Variants in SLC12A8 observed in about 807,000 individuals in gnomAD.
SLC12A8 encodes the protein cation-chloride cotransporter 9.
Under a neutral mutation model 75.6 loss-of-function variants are expected in SLC12A8, and 69 were observed. The ratio of observed to expected loss-of-function variants is 0.91; its 90% CI spans 0.75 to 1.11. SLC12A8 has a LOEUF of 1.11. SLC12A8 is among the 50% of genes most tolerant of loss of function. The pLI, the probability that SLC12A8 is intolerant of heterozygous loss-of-function variation, is 0.00. For synonymous variants in SLC12A8, 365 were observed against 372.8 expected (o/e 0.98, Z 0.24); for missense variants, 877 against 896.7 (o/e 0.98, Z 0.28).
intron 5 of SLC12A8, among the ~76,000 whole-genome samples, chr3:125,166,316 A>T (rs658717): frequency 2.0e-5 from 3 of 152,020 alleles, no homozygotes; most frequent in Non-Finnish European, 4.4e-5. Context: ...CCCATACCCC[A>T]CCCCCATCTC....
rs540096323 is a variant in SLC12A8 at position 125,086,927 on chromosome 3, G to T, written c.1982+1383C>A. On this transcript the variant is annotated intron_variant, in intron 13 of 13. Coordinates refer to ENST00000469902, the MANE Select transcript of SLC12A8 (RefSeq NM_024628.6). ...TTTCTTGTGCCATCTTGAATAGATT[G>T]GCAATTATTTGTGAAGAGTTGTCTT... Among the ~76,000 whole-genome samples, 4 of 152,258 alleles carry T rather than the reference G, an allele frequency of 2.6e-5. No homozygotes were observed. The East Asian group carries it at 7.7e-4, about 29-fold the overall frequency.
rs1327089758 is a variant in SLC12A8, at chr3:125,107,855, T to C, written c.1331A>G (p.Glu444Gly). The C allele has an allele frequency of 1.9e-6, 3 of 1,614,162 alleles. No homozygotes were observed. In the South Asian group the frequency reaches 3.3e-5, roughly 18 times the overall value. The part of the protein sequence containing the change: ...LLEKAPSYGS[E>G]GPAQRVLEGT... ...CTCCAAGACTCTTTGGGCAGGTCCC[T>C]CAGAGCCGTAACTGGGAGCTTTCTC... Residue 444 changes from glutamate (E) to glycine (G), a missense_variant, in exon 10 of 14, where the codon GAG becomes GGG. Physicochemically the swap from Glu to Gly is moderately conservative, Grantham distance 98. Transcript: ENST00000469902.
intron 5 of SLC12A8, among the ~76,000 whole-genome samples, chr3:125,155,817 C>T (rs1172719541): frequency 4.9e-5 from 6 of 122,638 alleles, no homozygotes; most frequent in African/African-American, 9.5e-5. Flanking sequence ...TGATGAACCA[C>T]TTTTCTTAAT....
At chr3:125,124,045 G>T (rs1933129858) in intron 6 of SLC12A8, among the ~76,000 whole-genome samples, 1 of 152,180 alleles carries the variant, frequency 6.6e-6, no homozygotes. Context: ...CCCAGGTTCT[G>T]TGTAGGCTGC....
chr3:125,140,697 CT>C (rs71625781), intron 5 of SLC12A8, among the ~76,000 whole-genome samples: 18,873 of 147,986 alleles, frequency 0.13, 1,618 homozygotes, highest in East Asian at 0.35. Flanking sequence ...CAGGAATTTC[CT>C]TTTTTTTTTT....
intron 10 of SLC12A8, among the ~76,000 whole-genome samples, chr3:125,092,693 G>A (rs1354880237): frequency 6.6e-6 from 1 of 152,160 alleles, no homozygotes; most frequent in Non-Finnish European, 1.5e-5. Context: ...GATGGAGGGA[G>A]AATAGCTCCT....
chr3:125,178,540 G>C (rs900397235), intron 4 of SLC12A8, among the ~76,000 whole-genome samples: 1 of 152,062 alleles, frequency 6.6e-6, no homozygotes, highest in Non-Finnish European at 1.5e-5. Flanking sequence ...CTCACTATTT[G>C]CTGTTGATTA....
chr3:125,177,499 TA>T (rs1276991724), intron 5 of SLC12A8, among the ~76,000 whole-genome samples: 2 of 151,618 alleles, frequency 1.3e-5, no homozygotes, highest in African/African-American at 2.4e-5. Flanking sequence ...AAATATACAT[TA>T]AAAAAAGAAA....
intron 6 of SLC12A8, among the ~76,000 whole-genome samples, chr3:125,124,507 A>C (rs777150023): frequency 6.6e-6 from 1 of 152,036 alleles, no homozygotes; most frequent in Non-Finnish European, 1.5e-5. Flanking sequence ...TTGTATTTTT[A>C]GTAGAGATGG....
intron 8 of SLC12A8, 46 bp downstream of exon 8, chr3:125,118,723 T>C (rs1560057335): frequency 6.9e-7 from 1 of 1,439,076 alleles, no homozygotes; most frequent in Non-Finnish European, 9.7e-7. Flanking sequence ...AACAAATAAA[T>C]GACTCCGGCA....
chr3:125,210,386 G>A (rs1316423673), intron 2 of SLC12A8, among the ~76,000 whole-genome samples: 28 of 152,222 alleles, frequency 1.8e-4, no homozygotes, highest in Admixed American at 1.8e-3. Flanking sequence ...TGAGACTCAG[G>A]TGGGGTCAGA....
Position 125,120,679 on chromosome 3 carries a change from C to T in SLC12A8, c.744G>A (p.Met248Ile), listed in dbSNP as rs1310885366. Residue 248 changes from methionine to isoleucine, a missense_variant, in exon 7 of 14, where the codon ATG becomes ATA. Transcript: ENST00000469902. ...GVFFPAATGV[M>I]AGFNMGGDLR... ...GGTCGCCCCCCATGTTGAAGCCGGCCATGACTCCTGAAAGACACCCAGATG... is the reference window on the plus strand; with the variant it reads ...GGTCGCCCCCCATGTTGAAGCCGGCTATGACTCCTGAAAGACACCCAGATG... 1 of 1,613,658 alleles carries T rather than the reference C, an allele frequency of 6.2e-7. No homozygotes were observed. The highest frequency in any genetic ancestry group is 1.7e-5 in the Admixed American group (1 of 59,994).
intron 4 of SLC12A8, among the ~76,000 whole-genome samples, chr3:125,186,111 C>T (rs1162694209): frequency 6.6e-6 from 1 of 151,744 alleles, no homozygotes; most frequent in African/African-American, 2.4e-5. Flanking sequence ...CAGGATTTTG[C>T]CTACCTTGCA....
rs775019634 is a variant in SLC12A8, at chr3:125,198,847, G to A, written c.52-8326C>T. On this transcript the variant is annotated intron_variant, in intron 2 of 13. Transcript: ENST00000469902. ...GGCTGGAGTGCAGTGGCGTGATCTCGGCTCACTGCAAGCTCCACCTCTCGA... is the reference window on the plus strand; with the variant it reads ...GGCTGGAGTGCAGTGGCGTGATCTCAGCTCACTGCAAGCTCCACCTCTCGA... 8.0e-5 allele frequency among the ~76,000 whole-genome samples: 12 copies of A among 150,602 alleles called. No individual in the cohort carries two copies. In the South Asian group the frequency reaches 8.4e-4, roughly 11 times the overall value.
chr3:125,088,821 C>T (rs1341606115), intron 12 of SLC12A8, among the ~76,000 whole-genome samples: 3 of 152,176 alleles, frequency 2.0e-5, no homozygotes, highest in African/African-American at 2.4e-5. Context: ...GGATCTGGCA[C>T]TTAAGAATTT....
chr3:125,165,648 T>C (rs1438841940), intron 5 of SLC12A8, among the ~76,000 whole-genome samples: 1 of 152,212 alleles, frequency 6.6e-6, no homozygotes, highest in African/African-American at 2.4e-5. Flanking sequence ...CAGGCACCCA[T>C]GGATGAGCCA....
chr3:125,125,849 T>G (rs1302805097), intron 6 of SLC12A8: 1 of 683,058 alleles, frequency 1.5e-6, no homozygotes, highest in Non-Finnish European at 1.8e-6. Flanking sequence ...GAAATAGTAA[T>G]TGCATGATTA....
chr3:125,174,885 T>C (rs1934486411), intron 5 of SLC12A8, among the ~76,000 whole-genome samples: 1 of 152,226 alleles, frequency 6.6e-6, no homozygotes, highest in Non-Finnish European at 1.5e-5. Context: ...GCTGTAATGC[T>C]GCATACGTAA....
chr3:125,130,611 AG>A (rs1933329180), intron 6 of SLC12A8, among the ~76,000 whole-genome samples: 6 of 151,332 alleles, frequency 4.0e-5, no homozygotes, highest in African/African-American at 1.2e-4. Context: ...AAAAAGAAAA[AG>A]AAAAAGAAAA....
Sources: allele counts gnomAD v4.1 joint callset (sites outside exome capture counted in the v4.1 genomes callset), GRCh38; gene constraint gnomAD v4.1.1; transcripts MANE v1.5; gene names NCBI Gene and HGNC (gene_info 2026-07-23, HGNC 2026-07-21).